Variants in SLC16A12 observed in about 807,000 individuals in gnomAD.
The protein encoded by SLC16A12 is solute carrier family 16 member 12.
A neutral mutation model predicts 42.4 loss-of-function variants in SLC16A12; 17 were observed. That is an observed-to-expected ratio of 0.40 (90% CI 0.27 to 0.60). The LOEUF (loss-of-function observed/expected upper bound fraction) is 0.60. Among genes scored for constraint, SLC16A12 ranks in the 20% least tolerant of loss-of-function variants. SLC16A12 has a pLI of 0.42. For synonymous variants in SLC16A12, 224 were observed against 229.4 expected (o/e 0.98, Z 0.21); for missense variants, 544 against 623.0 (o/e 0.87, Z 1.35).
chr10:89,496,328 A>C (rs1444068002), intron 2 of SLC16A12, among the ~76,000 whole-genome samples: 2 of 152,108 alleles, frequency 1.3e-5, no homozygotes, highest in African/African-American at 4.8e-5. Flanking sequence ...ACTAAAAAAG[A>C]ATGCTTGGAA....
intron 3 of SLC16A12, among the ~76,000 whole-genome samples, chr10:89,446,796 A>G (rs1345801690): frequency 6.6e-6 from 1 of 152,252 alleles, no homozygotes; most frequent in East Asian, 1.9e-4. Flanking sequence ...TACCCCAATT[A>G]AAAGACACAG....
chr10:89,544,660 T>C (rs976831826), intron 2 of SLC16A12, among the ~76,000 whole-genome samples: 3 of 152,222 alleles, frequency 2.0e-5, no homozygotes, highest in Admixed American at 2.0e-4. Context: ...TTTTAGTTCC[T>C]ATGATATACC....
chr10:89,506,800 A>C (rs2133830881), intron 2 of SLC16A12, among the ~76,000 whole-genome samples: 1 of 152,254 alleles, frequency 6.6e-6, no homozygotes, highest in East Asian at 1.9e-4. Context: ...GCATGTTCTA[A>C]CCCAATGCAA....
upstream of SLC16A12, among the ~76,000 whole-genome samples, chr10:89,536,837 T>TATC (rs998230839): frequency 6.6e-6 from 1 of 152,052 alleles, no homozygotes; most frequent in East Asian, 1.9e-4. Flanking sequence ...TTTTTGGAAT[T>TATC]ATTATTATTA....
intron 2 of SLC16A12, among the ~76,000 whole-genome samples, chr10:89,469,224 T>C (rs534103815): frequency 6.6e-6 from 1 of 152,358 alleles, no homozygotes; most frequent in African/African-American, 2.4e-5. Flanking sequence ...TGGAACAGTA[T>C]TCTGCATCCC....
intron 3 of SLC16A12, among the ~76,000 whole-genome samples, chr10:89,461,189 G>T: frequency 6.6e-6 from 1 of 152,260 alleles, no homozygotes; most frequent in East Asian, 1.9e-4. Flanking sequence ...CTTAATGTAC[G>T]TGCATCTAAC....
intron 4 of SLC16A12, among the ~76,000 whole-genome samples, chr10:89,443,481 A>G (rs1292815444): frequency 6.6e-6 from 1 of 152,246 alleles, no homozygotes; most frequent in African/African-American, 2.4e-5. Flanking sequence ...TCAGCGTCCT[A>G]TCTCTATATG....
chr10:89,555,471 A>G (rs1364991827), intron 2 of SLC16A12, among the ~76,000 whole-genome samples: 1 of 148,394 alleles, frequency 6.7e-6, no homozygotes, highest in African/African-American at 2.5e-5. Flanking sequence ...GATAATATAT[A>G]TATGTGTATA....
intron 2 of SLC16A12, among the ~76,000 whole-genome samples, chr10:89,480,027 A>G (rs547649419): frequency 1.4e-4 from 21 of 152,336 alleles, no homozygotes; most frequent in African/African-American, 4.8e-4. Flanking sequence ...CCTTTAGGTC[A>G]TGATGCAGCT....
In SLC16A12 at chr10:89,441,167, A is replaced by G. The variant is rs1356882175; in HGVS notation, c.389T>C (p.Ile130Thr). Residue 130 changes from isoleucine to threonine, a missense_variant, in exon 5 of 8, where the codon ATC becomes ACC. Coordinates refer to ENST00000371790, the MANE Select transcript of SLC16A12 (RefSeq NM_213606.4). ...LGGLLASTGL[I>T]LSSFATSLKH... is the part of the protein sequence containing the mutation. The stretch of plus-strand genomic sequence containing the variant: ...CAGACTCGTGGCAAATGAGCTCAGG[A>G]TGAGTCCAGTAGATGCAAGCAAGCC... 1 of 1,613,980 alleles carries G rather than the reference A, an allele frequency of 6.2e-7. No individual in the cohort carries two copies. Among genetic ancestry groups the G allele is most frequent in the South Asian group, 1.1e-5 (1 of 91,074 alleles).
chr10:89,479,915 C>G (rs1411639492), intron 2 of SLC16A12, among the ~76,000 whole-genome samples: 2 of 152,170 alleles, frequency 1.3e-5, no homozygotes, highest in East Asian at 3.8e-4. Flanking sequence ...TCACCATTCT[C>G]TATCCAAAGA....
intron 2 of SLC16A12, among the ~76,000 whole-genome samples, chr10:89,489,433 G>A (rs748799014): frequency 5.3e-5 from 8 of 151,910 alleles, no homozygotes; most frequent in Non-Finnish European, 1.0e-4. Flanking sequence ...TCTGTCTCCC[G>A]GGCTCAAGGA....
chr10:89,452,894 G>T (rs938276367), intron 3 of SLC16A12, among the ~76,000 whole-genome samples: 3 of 152,222 alleles, frequency 2.0e-5, no homozygotes, highest in Non-Finnish European at 4.4e-5. Flanking sequence ...ACGCCCAGGG[G>T]TCTGCTCTTG....
intron 2 of SLC16A12, among the ~76,000 whole-genome samples, chr10:89,540,986 A>G (rs1369620235): frequency 1.3e-5 from 2 of 150,924 alleles, no homozygotes; most frequent in South Asian, 2.1e-4. Context: ...CAGTTGTACA[A>G]TCTCGGCTCA....
In SLC16A12 at chr10:89,436,251, C is replaced by T. The variant is rs894733158; in HGVS notation, c.1097G>A (p.Cys366Tyr). Reference sequence around the variant, plus strand: ...AGGGAGACTTTGAAGCATTGGGAGGCAGAGATAGCAGAGCCCATCCATTCC... The same window carrying T: ...AGGGAGACTTTGAAGCATTGGGAGGTAGAGATAGCAGAGCCCATCCATTCC... ...AVGMDGLCYLCLPMLQSLPLL... is the reference protein window; with the variant it reads ...AVGMDGLCYLYLPMLQSLPLL... The change falls in exon 7 of 8, where the codon TGC (cysteine) becomes TAC (tyrosine). Residue 366 changes from cysteine to tyrosine, a missense_variant. Physicochemically the swap from Cys to Tyr is radical, Grantham distance 194. Coordinates refer to ENST00000371790, the MANE Select transcript of SLC16A12 (RefSeq NM_213606.4). The T allele has an allele frequency of 6.2e-7, 1 of 1,614,054 alleles. No homozygotes were observed. Among genetic ancestry groups the T allele is most frequent in the Non-Finnish European group, 8.5e-7 (1 of 1,179,974 alleles).
At chr10:89,504,130 T>C (rs1183057419) in intron 2 of SLC16A12, among the ~76,000 whole-genome samples, 1 of 152,208 alleles carries the variant, frequency 6.6e-6, no homozygotes, top group East Asian at 1.9e-4. Flanking sequence ...CTTTCCCATA[T>C]CTACACAAAA....
At chr10:89,497,085 A>G (rs992180592) in intron 2 of SLC16A12, among the ~76,000 whole-genome samples, 7 of 152,238 alleles carry the variant, frequency 4.6e-5, no homozygotes, top group Non-Finnish European at 8.8e-5. Flanking sequence ...ATAATAAAGT[A>G]TCATTATTCG....
Position 89,433,018 on chromosome 10 carries a change from C to A in SLC16A12, c.*46G>T. On this transcript the variant is annotated 3_prime_UTR_variant, in exon 8 of 8. Transcript: ENST00000371790. ...TTCAGAAACATGAAGAATCTGGTGG[C>A]CCCACCTCTCTCAAACCTGAAGATT... is the stretch of plus-strand genomic sequence containing the variant. 1.9e-6 allele frequency: 3 copies of A among 1,610,722 alleles called. No homozygotes were observed. Among genetic ancestry groups the A allele is most frequent in the Non-Finnish European group, 2.5e-6 (3 of 1,179,368 alleles).
intron 3 of SLC16A12, among the ~76,000 whole-genome samples, chr10:89,457,491 G>C (rs560739724): frequency 7.1e-4 from 108 of 152,262 alleles, no homozygotes; most frequent in African/African-American, 2.2e-3. Context: ...GATGCTAGCA[G>C]GGCTGCAGAG....
Sources: gnomAD v4.1 joint callset for allele counts (sites outside exome capture counted in the v4.1 genomes callset) on GRCh38, gnomAD v4.1.1 for gene constraint, MANE v1.5 for transcripts, NCBI Gene and HGNC (gene_info 2026-07-23, HGNC 2026-07-21) for gene names.